The following MYCBP2 variants were observed in gnomAD, a reference collection of about 807,000 sequenced individuals.
MYCBP2 encodes the protein E3 ubiquitin-protein ligase MYCBP2.
MYCBP2 carries 120 observed loss-of-function variants against 525.3 expected under a neutral mutation model. The observed-to-expected ratio is 0.23, with a 90% CI of 0.20 to 0.27. MYCBP2 has a LOEUF of 0.27. Ranked by LOEUF, MYCBP2 falls within the 10% of genes least tolerant of loss-of-function variation. The pLI, the probability that MYCBP2 is intolerant of heterozygous loss-of-function variation, is 1.00. For synonymous variants in MYCBP2, 1,894 were observed against 1,955.8 expected (o/e 0.97, Z 0.83); for missense variants, 4,149 against 5,657.1 (o/e 0.73, Z 8.55).
intron 8 of MYCBP2, among the ~76,000 whole-genome samples, chr13:77,264,277 G>A (rs1047932269): frequency 6.6e-6 from 1 of 151,878 alleles, no homozygotes; most frequent in African/African-American, 2.4e-5. Flanking sequence ...TAGTCTGACA[G>A]TAAACATGCA....
At chr13:77,101,020 T>A (rs2154132978) in intron 55 of MYCBP2, among the ~76,000 whole-genome samples, 1 of 152,202 alleles carries the variant, frequency 6.6e-6, no homozygotes, top group Middle Eastern at 3.4e-3. Flanking sequence ...ACAAATTATA[T>A]TTGGTAGATT....
intron 21 of MYCBP2, 136 bp downstream of exon 21, chr13:77,217,704 G>T: frequency 2.1e-6 from 1 of 475,838 alleles, no homozygotes; most frequent in Non-Finnish European, 3.7e-6. Flanking sequence ...TGGGGATGAA[G>T]GCATGAAATA....
chr13:77,194,546 T>G (rs540346294), intron 26 of MYCBP2, among the ~76,000 whole-genome samples: 1 of 152,164 alleles, frequency 6.6e-6, no homozygotes, highest in East Asian at 1.9e-4. Flanking sequence ...CTGAAAAAGG[T>G]GAGAGAACTC....
chr13:77,082,884 T>C, intron 63 of MYCBP2, 148 bp downstream of exon 63: 1 of 642,812 alleles, frequency 1.6e-6, no homozygotes. Context: ...ATTCTAAAAA[T>C]TATGACTGTA....
Position 77,098,297 on chromosome 13 carries a change from C to G in MYCBP2, c.8857G>C (p.Asp2953His). Residue 2953 changes from aspartate to histidine, a missense_variant, in exon 56 of 83, where the codon GAC becomes CAC. Transcript: ENST00000544440. Reference sequence around the variant, plus strand: ...TCCACACTCTTAAATTCACTGCTGTCATCGCAGGTGCTGTCTGTTAGACTA... The same window carrying G: ...TCCACACTCTTAAATTCACTGCTGTGATCGCAGGTGCTGTCTGTTAGACTA... ...TNSLTDSTCD[D>H]SSEFKSVDEG... The G allele has an allele frequency of 6.2e-7, 1 of 1,611,822 alleles. No individual in the cohort carries two copies. The highest frequency in any genetic ancestry group is 8.5e-7 in the Non-Finnish European group (1 of 1,179,782).
chr13:77,260,404 A>T (rs770493192), intron 13 of MYCBP2, 24 bp downstream of exon 13: 6 of 1,520,354 alleles, frequency 3.9e-6, no homozygotes, highest in Non-Finnish European at 5.3e-6. Flanking sequence ...CTTTGCATAA[A>T]AGTAAAACTT....
chr13:77,074,626 A>T (rs901074335), intron 68 of MYCBP2, among the ~76,000 whole-genome samples: 3 of 152,224 alleles, frequency 2.0e-5, no homozygotes, highest in Non-Finnish European at 4.4e-5. Context: ...CAAAAAATGA[A>T]AGGATAAACA....
At chr13:77,106,325 A>C (rs1234446408) in intron 55 of MYCBP2, among the ~76,000 whole-genome samples, 7 of 152,172 alleles carry the variant, frequency 4.6e-5, no homozygotes, top group Admixed American at 2.6e-4. Flanking sequence ...TTTGGTGTTC[A>C]ATTTGTTGAT....
chr13:77,197,964 AT>A (rs1336928493), intron 26 of MYCBP2, among the ~76,000 whole-genome samples: 1 of 152,186 alleles, frequency 6.6e-6, no homozygotes, highest in Non-Finnish European at 1.5e-5. Flanking sequence ...CCATAATTCT[AT>A]ATACTACAGT....
chr13:77,081,276 A>G lies in MYCBP2; in HGVS notation c.11418+151T>C, dbSNP rs2043266212. ...CTCCCAATCATATTAATTTGTTTTT[A>G]GACTTAAGATTTATTTGGGGATTAT... On this transcript the variant is annotated intron_variant, in intron 65 of 82. Transcript: ENST00000544440. This position sits in a 1 kb window ranked among gnomAD's most constrained non-coding sequence, Gnocchi z 4.6. 6 of 675,536 alleles carry G rather than the reference A, an allele frequency of 8.9e-6. No individual in the cohort carries two copies. The East Asian group carries it at 1.6e-4, about 18-fold the overall frequency. The allele number at this position is 675,536 out of a possible 1,614,324, so 41.8% of individuals were successfully genotyped here.
chr13:77,201,993 C>T (rs908255656), intron 26 of MYCBP2, among the ~76,000 whole-genome samples: 19 of 152,032 alleles, frequency 1.2e-4, no homozygotes, highest in African/African-American at 3.9e-4. Flanking sequence ...ACTAGAAAAG[C>T]AAGAGCAAAC....
chr13:77,097,152 A>C lies in MYCBP2; in HGVS notation c.9784+218T>G, dbSNP rs2046387249. Among the ~76,000 whole-genome samples, 3 of 152,196 alleles carry C rather than the reference A, an allele frequency of 2.0e-5. 1 individual carries two copies. The South Asian group carries it at 6.2e-4, about 31-fold the overall frequency. On this transcript the variant is annotated intron_variant, in intron 56 of 82. Coordinates refer to ENST00000544440, the MANE Select transcript of MYCBP2 (RefSeq NM_015057.5). The stretch of plus-strand genomic sequence containing the variant: ...CACATAATATTTTTTAAAACATGCT[A>C]CATGAAAGTGAAATAGCACTAAATG...
At chr13:77,312,579 A>T (rs1163913029) in intron 1 of MYCBP2, among the ~76,000 whole-genome samples, 2 of 152,048 alleles carry the variant, frequency 1.3e-5, no homozygotes, top group African/African-American at 4.8e-5. Flanking sequence ...GCATAAAAAA[A>T]GTAAATACAA....
chr13:77,050,878 G>T, intron 82 of MYCBP2, 119 bp downstream of exon 82: 1 of 850,420 alleles, frequency 1.2e-6, no homozygotes, highest in Non-Finnish European at 1.8e-6. Flanking sequence ...AATTCCTCCT[G>T]CTTCTTTAGG....
At chr13:77,222,593 A>G (rs2065747104) in intron 20 of MYCBP2, among the ~76,000 whole-genome samples, 1 of 152,118 alleles carries the variant, frequency 6.6e-6, no homozygotes, top group African/African-American at 2.4e-5. Context: ...GGGACCTTTT[A>G]GAAAAAACTC....
chr13:77,098,681 T>C lies in MYCBP2; in HGVS notation c.8473A>G (p.Lys2825Glu), dbSNP rs757753640. 2.0e-5 allele frequency: 32 copies of C among 1,613,562 alleles called. No homozygotes were observed. The highest frequency in any genetic ancestry group is 2.6e-5 in the Non-Finnish European group (31 of 1,179,778). The change falls in exon 56 of 83, where the codon AAG becomes GAG. Residue 2825 changes from lysine (K) to glutamate (E), a missense_variant. Physicochemically the swap from Lys to Glu is moderately conservative, Grantham distance 56. Coordinates refer to ENST00000544440, the MANE Select transcript of MYCBP2 (RefSeq NM_015057.5). Reference sequence around the variant, plus strand: ...CTAGACCTATTGGCTGGGAGAGTCTTTGGCTTAGGAGATGACAACCGAGAA... The same window carrying C: ...CTAGACCTATTGGCTGGGAGAGTCTCTGGCTTAGGAGATGACAACCGAGAA... ...PGSRLSSPKP[K>E]TLPANRSSPS...
chr13:77,305,804 T>C (rs78741973), intron 1 of MYCBP2, among the ~76,000 whole-genome samples: 1,587 of 152,150 alleles, frequency 0.01, 9 homozygotes, highest in Non-Finnish European at 0.017. Context: ...ATCACTTCAA[T>C]AGAAACAGAA....
At chr13:77,311,240 G>A (rs2080163222) in intron 1 of MYCBP2, among the ~76,000 whole-genome samples, 1 of 152,152 alleles carries the variant, frequency 6.6e-6, no homozygotes. Context: ...CTGAAAAAGA[G>A]TAAGACACAG....
intron 17 of MYCBP2, among the ~76,000 whole-genome samples, chr13:77,236,799 G>A (rs985116589): frequency 1.3e-5 from 2 of 152,128 alleles, no homozygotes; most frequent in African/African-American, 4.8e-5. Context: ...TCGGGAGGCT[G>A]AGGCAGGAGG....
Sources: allele counts gnomAD v4.1 joint callset (sites outside exome capture counted in the v4.1 genomes callset), GRCh38; gene constraint gnomAD v4.1.1; non-coding constraint Gnocchi (gnomAD v3.1); transcripts MANE v1.5; gene names NCBI Gene and HGNC (gene_info 2026-07-23, HGNC 2026-07-21).